Variants in HERC5 observed in about 807,000 individuals in gnomAD.
HERC5 encodes the protein E3 ISG15--protein ligase HERC5.
HERC5 carries 99 observed loss-of-function variants against 119.6 expected under a neutral mutation model. The ratio of observed to expected loss-of-function variants is 0.83; its 90% CI spans 0.70 to 0.98. The LOEUF is 0.98. Ranked by LOEUF, HERC5 falls within the 50% of genes least tolerant of loss-of-function variation. The pLI, the probability that HERC5 is intolerant of heterozygous loss-of-function variation, is 0.00. For missense variants in HERC5, 1,267 were observed against 1,241.3 expected (o/e 1.02, Z -0.31); for synonymous variants, 478 against 445.9 (o/e 1.07, Z -0.91).
At chr4:88,497,489 G>C (rs1056437681) in intron 18 of HERC5, among the ~76,000 whole-genome samples, 3 of 152,204 alleles carry the variant, frequency 2.0e-5, no homozygotes, top group Non-Finnish European at 2.9e-5. Flanking sequence ...GCTGAATTCT[G>C]TTGTATCCTA....
At chr4:88,471,772 A>G (rs1249406427) in intron 10 of HERC5, among the ~76,000 whole-genome samples, 1 of 152,148 alleles carries the variant, frequency 6.6e-6, no homozygotes, top group African/African-American at 2.4e-5. Context: ...TTTGGTTCCC[A>G]CTTTTCAGTC....
chr4:88,497,435 A>C (rs1741830649), intron 18 of HERC5, among the ~76,000 whole-genome samples: 1 of 152,326 alleles, frequency 6.6e-6, no homozygotes, highest in South Asian at 2.1e-4. Context: ...TGGAAATTGG[A>C]GGAGAGGTGC....
intron 14 of HERC5, among the ~76,000 whole-genome samples, chr4:88,486,576 G>A (rs79030806): frequency 0.02 from 3,076 of 152,292 alleles, 46 homozygotes; most frequent in Non-Finnish European, 0.029. Flanking sequence ...AGTGTCTTGG[G>A]TGTAAGCACT....
chr4:88,462,378 T>C, intron 4 of HERC5, 22 bp downstream of exon 4: 1 of 1,585,274 alleles, frequency 6.3e-7, no homozygotes, highest in South Asian at 1.1e-5. Context: ...ATTCTCAGAT[T>C]CCTATTACCA....
chr4:88,476,814 G>T (rs559760436), intron 12 of HERC5, among the ~76,000 whole-genome samples: 4 of 151,660 alleles, frequency 2.6e-5, no homozygotes, highest in South Asian at 2.1e-4. Context: ...CCAGCTACTC[G>T]GGAGGCTGAG....
rs923160982 is a variant in HERC5 at position 88,506,052 on chromosome 4, G to A, written c.*174G>A. 1.8e-5 allele frequency: 11 copies of A among 609,092 alleles called. No homozygotes were observed. The highest frequency in any genetic ancestry group is 6.2e-5 in the Admixed American group (2 of 32,452). The allele number at this position is 609,092 out of a possible 1,614,324, so 37.7% of individuals were successfully genotyped here. On this transcript the variant is annotated 3_prime_UTR_variant, in exon 23 of 23. Transcript: ENST00000264350. The stretch of plus-strand genomic sequence containing the variant: ...GAGGGATGAAGAAGAGGGTTTACTG[G>A]CCGGTTAGAACCCGTGACTGTATTC...
Position 88,469,014 on chromosome 4 carries a change from G to T in HERC5, c.1135-143G>T, listed in dbSNP as rs552942845. 1.2e-5 allele frequency: 7 copies of T among 580,670 alleles called. No individual in the cohort carries two copies. The South Asian group carries it at 1.3e-4, about 11-fold the overall frequency. 36.0% of individuals were successfully genotyped at this position (580,670 alleles called of 1,614,324 possible). ...CAGGCAAATGATTGATTACTTATTT[G>T]TTGAGTATCACTTTGTGATTGTCCC... On this transcript the variant is annotated intron_variant, in intron 8 of 22. Coordinates refer to ENST00000264350, the MANE Select transcript of HERC5 (RefSeq NM_016323.4).
At chr4:88,459,500 T>C (rs1222256807) in intron 2 of HERC5, 30 bp downstream of exon 2, 1 of 1,316,164 alleles carries the variant, frequency 7.6e-7, no homozygotes. Context: ...TATTAAAAAT[T>C]AATTTTAATC....
chr4:88,460,649 C>T (rs1030576954), intron 3 of HERC5, among the ~76,000 whole-genome samples: 7 of 152,270 alleles, frequency 4.6e-5, no homozygotes, highest in African/African-American at 1.7e-4. Flanking sequence ...CAGACACTGT[C>T]ATGGTGGGAA....
chr4:88,483,507 C>T (rs370220097), intron 13 of HERC5, among the ~76,000 whole-genome samples: 6 of 148,114 alleles, frequency 4.1e-5, no homozygotes, highest in Admixed American at 1.4e-4. Flanking sequence ...GCCACCACAC[C>T]GGCTCTATAG....
At chr4:88,458,176 G>C in intron 1 of HERC5, 1 of 651,958 alleles carries the variant, frequency 1.5e-6, no homozygotes, top group Non-Finnish European at 1.9e-6. Context: ...TATTTGTATG[G>C]AAGAGGTATT....
Position 88,475,990 on chromosome 4 carries a change from G to A in HERC5, c.1542G>A (p.Lys514=). ...NWESLVVPFA[K]VVCKMSDQSS... ...AGAGCCTTGTGGTTCCATTTGCAAAGGTTGTTTGTAAAATGAGTGACCAGT... is the reference window on the plus strand; with the variant it reads ...AGAGCCTTGTGGTTCCATTTGCAAAAGTTGTTTGTAAAATGAGTGACCAGT... The change falls in exon 12 of 23, where the codon AAG becomes AAA. Residue 514 remains lysine (K), a synonymous_variant. Transcript: ENST00000264350. 6.2e-7 allele frequency: 1 copy of A among 1,613,850 alleles called. No individual in the cohort carries two copies. The highest frequency in any genetic ancestry group is 8.5e-7 in the Non-Finnish European group (1 of 1,179,954).
At chr4:88,457,941 A>AT (rs1196236631) in intron 1 of HERC5, 1 of 1,004,264 alleles carries the variant, frequency 1.0e-6, no homozygotes, top group Admixed American at 6.0e-5. Flanking sequence ...CAGTGATGGG[A>AT]TTTTACCTTG....
intron 20 of HERC5, among the ~76,000 whole-genome samples, chr4:88,503,848 C>T (rs1274505376): frequency 6.6e-6 from 1 of 152,060 alleles, no homozygotes; most frequent in Non-Finnish European, 1.5e-5. Flanking sequence ...AGGCAAATCA[C>T]AAGGTCAGGA....
At chr4:88,466,423 C>G (rs1320744006) in intron 6 of HERC5, among the ~76,000 whole-genome samples, 1 of 152,180 alleles carries the variant, frequency 6.6e-6, no homozygotes, top group African/African-American at 2.4e-5. Context: ...TTGGTTAAAT[C>G]ATTGCCCGGA....
In HERC5 at chr4:88,479,123, A is replaced by G. The variant is rs866922329; in HGVS notation, c.1583-230A>G. The stretch of plus-strand genomic sequence containing the variant: ...CAACATGGTGAAACCTTGTCTCTAT[A>G]AAAATACAAAAATTAGCCGGGCATG... On this transcript the variant is annotated intron_variant, in intron 12 of 22. Coordinates refer to ENST00000264350, the MANE Select transcript of HERC5 (RefSeq NM_016323.4). 3.9e-5 allele frequency among the ~76,000 whole-genome samples: 6 copies of G among 152,038 alleles called. No individual in the cohort carries two copies. The South Asian group carries it at 8.3e-4, about 21-fold the overall frequency.
chr4:88,504,066 CAA>C (rs1301930381), intron 20 of HERC5, among the ~76,000 whole-genome samples, 164 bp from the exon 21 acceptor site: 6 of 113,580 alleles, frequency 5.3e-5, no homozygotes, highest in African/African-American at 9.5e-5. Flanking sequence ...GACTCCGTCT[CAA>C]AAAAAAAAAA....
intron 14 of HERC5, among the ~76,000 whole-genome samples, chr4:88,486,758 C>T (rs750575617): frequency 2.0e-5 from 3 of 152,178 alleles, no homozygotes; most frequent in Non-Finnish European, 1.5e-5. Flanking sequence ...TATCATTCTC[C>T]GTTTATCAAA....
In HERC5 at chr4:88,457,340, A is replaced by T; in HGVS notation, c.71A>T (p.Gln24Leu). 1 of 1,412,516 alleles carries T rather than the reference A, an allele frequency of 7.1e-7. No individual in the cohort carries two copies. Among genetic ancestry groups the T allele is most frequent in the Non-Finnish European group, 9.2e-7 (1 of 1,085,356 alleles). The allele number at this position is 1,412,516 out of a possible 1,614,324, so 87.5% of individuals were successfully genotyped here. A position where few individuals can be genotyped will look rare whatever the true frequency, so the allele number is the denominator to read the frequency against. The change falls in exon 1 of 23, where the codon CAG becomes CTG. Residue 24 changes from glutamine (Q) to leucine (L), a missense_variant. Gln to Leu is a moderately radical substitution (Grantham distance 113). Around this residue, in one of 3 missense-constraint regions of HERC5, gnomAD observed 777 missense variants for 758.0 expected, o/e 1.03. Coordinates refer to ENST00000264350, the MANE Select transcript of HERC5 (RefSeq NM_016323.4). ...ACCGCGGGCAAGGCCGCCGCGACCCAGCCCGCGAAGTCTCCGGGCGCACAG... is the reference window on the plus strand; with the variant it reads ...ACCGCGGGCAAGGCCGCCGCGACCCTGCCCGCGAAGTCTCCGGGCGCACAG... Reference protein sequence around the residue: ...RSTAGKAAATQPAKSPGAQLW... With the variant: ...RSTAGKAAATLPAKSPGAQLW...
Sources: gnomAD v4.1 joint callset for allele counts (sites outside exome capture counted in the v4.1 genomes callset) on GRCh38, gnomAD v4.1.1 for gene constraint, gnomAD v4.1.1 regional missense constraint, MANE v1.5 for transcripts, NCBI Gene and HGNC (gene_info 2026-07-23, HGNC 2026-07-21) for gene names.